LMF1: variants seen among roughly 807,000 people sequenced by gnomAD.
LMF1 encodes transmembrane protein 112.
A neutral mutation model predicts 60.6 loss-of-function variants in LMF1; 68 were observed. The ratio of observed to expected loss-of-function variants is 1.12; its 90% CI spans 0.92 to 1.37. The LOEUF (loss-of-function observed/expected upper bound fraction) is 1.37, where lower values mean the gene tolerates loss of function less well. LMF1 is among the 40% of genes most tolerant of loss of function. The pLI is 0.00. For missense variants in LMF1, 948 were observed against 767.2 expected (o/e 1.24, Z -2.78); for synonymous variants, 418 against 324.7 (o/e 1.29, Z -3.09).
At chr16:867,642 T>G (rs2069648595) in intron 10 of LMF1, among the ~76,000 whole-genome samples, 1 of 152,158 alleles carries the variant, frequency 6.6e-6, no homozygotes, top group African/African-American at 2.4e-5. Context: ...TGGAGCTTGA[T>G]GCCAATTCAC....
chr16:927,810 G>A (rs2071653706), intron 3 of LMF1, among the ~76,000 whole-genome samples: 1 of 152,240 alleles, frequency 6.6e-6, no homozygotes, highest in Non-Finnish European at 1.5e-5. Flanking sequence ...AGCCGCAAGG[G>A]TGAAGGGTCA....
intron 2 of LMF1, among the ~76,000 whole-genome samples, chr16:951,713 G>A (rs3852755): frequency 0.48 from 72,657 of 152,054 alleles, 19,073 homozygotes; most frequent in African/African-American, 0.7. Flanking sequence ...CCACGCAGGT[G>A]GGCTCATGAC....
At chr16:916,165 C>T (rs765367410) in intron 3 of LMF1, among the ~76,000 whole-genome samples, 1 of 152,150 alleles carries the variant, frequency 6.6e-6, no homozygotes. Context: ...TAGGAGAGAA[C>T]GCCAGCTGAG....
In LMF1 at chr16:854,669, G is replaced by A. The variant is rs758116895; in HGVS notation, c.1567C>T (p.Arg523Cys). ...RGEHYRYKFS[R>C]PGGRHAAEGK... is the part of the protein sequence containing the mutation. ...TCGGCGGCGTGCCTGCCCCCAGGAC[G>A]GCTGAACTTGTACCTGTAGTGCTCT... The change falls in exon 11 of 11, where the codon CGT becomes TGT. Residue 523 changes from arginine (R) to cysteine (C), a missense_variant. Transcript: ENST00000262301. The A allele has an allele frequency of 2.5e-5, 40 of 1,603,104 alleles. No individual in the cohort carries two copies. Among genetic ancestry groups the A allele is most frequent in the Admixed American group, 3.4e-5 (2 of 59,456 alleles).
chr16:870,910 G>A lies in LMF1; in HGVS notation c.1079-28C>T, dbSNP rs765134610. The A allele has an allele frequency of 3.2e-6, 5 of 1,580,696 alleles. No individual in the cohort carries two copies. In the Admixed American group the frequency reaches 9.0e-5, roughly 28 times the overall value. ...GGCAGGGGAGTGACATCTTCCAGGT[G>A]GGGCTCCCAGCTGCCCCGTGGCCTG... On this transcript the variant is annotated intron_variant, in intron 7 of 10. Transcript: ENST00000262301.
At chr16:910,100 G>A (rs530163023) in intron 4 of LMF1, among the ~76,000 whole-genome samples, 3 of 152,356 alleles carry the variant, frequency 2.0e-5, no homozygotes, top group Admixed American at 1.3e-4. Context: ...CACGTGAAGC[G>A]GAAGAGCAGG....
intron 3 of LMF1, among the ~76,000 whole-genome samples, chr16:928,612 G>A (rs2071678578): frequency 1.3e-5 from 2 of 152,066 alleles, no homozygotes; most frequent in South Asian, 4.1e-4. Flanking sequence ...GGAGCAGGGG[G>A]GCAAAGGCCT....
Position 878,791 on chromosome 16 carries a change from G to A in LMF1, c.897+779C>T, listed in dbSNP as rs1437279406. ...CAGGGGAAGGGGCGTGGGACACCCA[G>A]GTACATCTGTTTTCCAGAGCACGTG... is the stretch of plus-strand genomic sequence containing the variant. On this transcript the variant is annotated intron_variant, in intron 6 of 10. Coordinates refer to ENST00000262301, the MANE Select transcript of LMF1 (RefSeq NM_022773.4). This position sits in a 1 kb window ranked among gnomAD's most constrained non-coding sequence, Gnocchi z 5.2. 6.6e-6 allele frequency among the ~76,000 whole-genome samples: 1 copy of A among 152,074 alleles called. No homozygotes were observed. The highest frequency in any genetic ancestry group is 1.5e-5 in the Non-Finnish European group (1 of 68,004).
rs1289937144 is a variant in LMF1 at position 950,247 on chromosome 16, G to A, written c.503+4110C>T. Among the ~76,000 whole-genome samples the A allele has an allele frequency of 2.9e-5, 3 of 103,212 alleles. 1 individual carries two copies. The highest frequency in any genetic ancestry group is 1.7e-4 in the African/African-American group (3 of 17,534). The allele number at this position is 103,212 out of a possible 152,430, so 67.7% of individuals were successfully genotyped here. ...CGACAGAGTTAGAGACAATGACAGA[G>A]TCAGCCAACGACAGAGTCAGCCAAC... On this transcript the variant is annotated intron_variant, in intron 2 of 10. Coordinates refer to ENST00000262301, the MANE Select transcript of LMF1 (RefSeq NM_022773.4).
chr16:856,521 G>A (rs775368866), intron 10 of LMF1, among the ~76,000 whole-genome samples: 1 of 152,230 alleles, frequency 6.6e-6, no homozygotes, highest in African/African-American at 2.4e-5. Flanking sequence ...ATCCTGGGAA[G>A]GCCTCCTGCA....
chr16:857,132 C>T (rs1267222655), intron 10 of LMF1, among the ~76,000 whole-genome samples: 2 of 152,268 alleles, frequency 1.3e-5, no homozygotes, highest in African/African-American at 2.4e-5. Context: ...GCGTCTGCGG[C>T]GTGAGTGCAC....
chr16:913,080 C>A (rs2071166660), intron 3 of LMF1, among the ~76,000 whole-genome samples: 1 of 152,212 alleles, frequency 6.6e-6, no homozygotes, highest in Non-Finnish European at 1.5e-5. Context: ...GCCTCAGTGC[C>A]TTTCCCGTTG....
intron 5 of LMF1, among the ~76,000 whole-genome samples, chr16:882,274 C>T (rs985502364): frequency 3.3e-5 from 5 of 152,248 alleles, no homozygotes; most frequent in Non-Finnish European, 7.3e-5. Context: ...CTGTAGTGGC[C>T]ACTGCCCCTC....
In LMF1 at chr16:969,978, C is replaced by T. The variant is rs375955219; in HGVS notation, c.193+810G>A. Among the ~76,000 whole-genome samples the T allele has an allele frequency of 9.8e-5, 15 of 152,344 alleles. No homozygotes were observed. In the South Asian group the frequency reaches 2.7e-3, roughly 27 times the overall value. On this transcript the variant is annotated intron_variant, in intron 1 of 10. Coordinates refer to ENST00000262301, the MANE Select transcript of LMF1 (RefSeq NM_022773.4). ...GAGCGTGAACTGACTTTTCTCAGAG[C>T]TCTGCTCTGTAGGCTGCGCACGCGG...
At chr16:898,456 C>CT (rs2070722332) in intron 4 of LMF1, among the ~76,000 whole-genome samples, 1 of 152,236 alleles carries the variant, frequency 6.6e-6, no homozygotes, top group Non-Finnish European at 1.5e-5. Flanking sequence ...GCTTGTCTGT[C>CT]TGAAAACACC....
At chr16:957,200 T>C (rs758076359) in intron 1 of LMF1, among the ~76,000 whole-genome samples, 6 of 152,130 alleles carry the variant, frequency 3.9e-5, no homozygotes, top group Admixed American at 6.5e-5. Context: ...TGAAAGAAGA[T>C]ATTGCATAAT....
chr16:967,159 G>A (rs2072941163), intron 1 of LMF1, among the ~76,000 whole-genome samples: 1 of 152,192 alleles, frequency 6.6e-6, no homozygotes, highest in African/African-American at 2.4e-5. Context: ...AGCTGCCTGT[G>A]GCCGCCCATG....
At chr16:924,852 G>T (rs1320511873) in intron 3 of LMF1, among the ~76,000 whole-genome samples, 1 of 152,254 alleles carries the variant, frequency 6.6e-6, no homozygotes, top group Non-Finnish European at 1.5e-5. Context: ...ACCCATAAAG[G>T]GGATGATCTA....
intron 10 of LMF1, among the ~76,000 whole-genome samples, chr16:858,379 G>GC (rs772841833): frequency 4.9e-4 from 25 of 51,120 alleles, no homozygotes; most frequent in Non-Finnish European, 7.1e-4. Context: ...GGACGGGTGT[G>GC]AGTGGTGTCT....
Sources: allele counts gnomAD v4.1 joint callset (sites outside exome capture counted in the v4.1 genomes callset), GRCh38; gene constraint gnomAD v4.1.1; non-coding constraint Gnocchi (gnomAD v3.1); transcripts MANE v1.5; gene names NCBI Gene and HGNC (gene_info 2026-07-23, HGNC 2026-07-21).